The following CEP170 variants were observed in gnomAD, a reference collection of about 807,000 sequenced individuals.
The protein encoded by CEP170 is centrosomal protein 170, also known as centrosomal protein of 170 kDa.
CEP170 carries 21 observed loss-of-function variants against 151.9 expected under a neutral mutation model. That is an observed-to-expected ratio of 0.14 (90% confidence interval 0.10 to 0.20). The LOEUF is 0.20. Among genes scored for constraint, CEP170 ranks in the 10% least tolerant of loss-of-function variants. The pLI, the probability that CEP170 is intolerant of heterozygous loss-of-function variation, is 1.00. For synonymous variants in CEP170, 356 were observed against 648.8 expected (o/e 0.55, Z 6.86); for missense variants, 964 against 1,892.9 (o/e 0.51, Z 9.11).
At chr1:243,254,093 C>T (rs1305735443) in intron 1 of CEP170, among the ~76,000 whole-genome samples, 2 of 152,086 alleles carry the variant, frequency 1.3e-5, no homozygotes, top group Non-Finnish European at 2.9e-5. Flanking sequence ...CCCTCTCTAG[C>T]CCAGGCTCCA....
intron 13 of CEP170, among the ~76,000 whole-genome samples, chr1:243,159,770 T>G (rs1218286157): frequency 1.3e-5 from 2 of 149,232 alleles, no homozygotes; most frequent in East Asian, 4.0e-4. Context: ...GTTTTGTGTG[T>G]GTGTGTGTGT....
chr1:243,248,743 C>G (rs983668113), intron 1 of CEP170, among the ~76,000 whole-genome samples: 4 of 152,186 alleles, frequency 2.6e-5, no homozygotes, highest in African/African-American at 7.2e-5. Flanking sequence ...CAGAGCCATT[C>G]TTTAAAAATA....
chr1:243,152,802 A>C (rs1323945405), intron 14 of CEP170, among the ~76,000 whole-genome samples: 1 of 152,126 alleles, frequency 6.6e-6, no homozygotes, highest in African/African-American at 2.4e-5. Context: ...AAGTGCTGGG[A>C]TTACAGGCGT....
chr1:243,210,922 C>T lies in CEP170; in HGVS notation c.274+964G>A, dbSNP rs144195025. The stretch of plus-strand genomic sequence containing the variant: ...ACAGGTGTGAGCCACAGCACCTGGA[C>T]TATTTCTCGTAAATGTCAAGGAACA... On this transcript the variant is annotated intron_variant, in intron 4 of 19. Coordinates refer to ENST00000366542, the MANE Select transcript of CEP170 (RefSeq NM_014812.3). 6.8e-3 allele frequency among the ~76,000 whole-genome samples: 1,038 copies of T among 152,088 alleles called. 14 individuals carry two copies. Among genetic ancestry groups the T allele is most frequent in the African/African-American group, 0.024 (986 of 41,474 alleles).
upstream of CEP170, among the ~76,000 whole-genome samples, chr1:243,255,511 C>T (rs777389783): frequency 3.3e-5 from 5 of 152,244 alleles, no homozygotes; most frequent in Non-Finnish European, 5.9e-5. Flanking sequence ...GGGCAGAGCG[C>T]CAACTCCAAG....
intron 1 of CEP170, among the ~76,000 whole-genome samples, chr1:243,234,715 CT>C (rs1333080072): frequency 6.6e-6 from 1 of 152,158 alleles, no homozygotes; most frequent in Admixed American, 6.5e-5. Flanking sequence ...AGAAGTCTGT[CT>C]TTTGATGCCA....
intron 3 of CEP170, among the ~76,000 whole-genome samples, chr1:243,220,981 C>T (rs2062747458): frequency 2.0e-5 from 3 of 152,168 alleles, no homozygotes; most frequent in Admixed American, 2.0e-4. Context: ...TTTACCCTAG[C>T]AGAGAAAGTT....
chr1:243,224,342 C>T (rs1237421558), intron 2 of CEP170, among the ~76,000 whole-genome samples: 1 of 152,056 alleles, frequency 6.6e-6, no homozygotes, highest in Non-Finnish European at 1.5e-5. Context: ...AGACTCCAGT[C>T]CCTGTCCTTT....
intron 12 of CEP170, among the ~76,000 whole-genome samples, chr1:243,167,695 C>G (rs1403096437): frequency 6.6e-6 from 1 of 150,778 alleles, no homozygotes; most frequent in Non-Finnish European, 1.5e-5. Context: ...AATATCATAT[C>G]AATACAATGG....
In CEP170 at chr1:243,125,012, G is replaced by A. The variant is rs2053597127; in HGVS notation, c.*1437C>T. ...TTAAAAAATCCTGTAAAGTCTTGAA[G>A]TGTATAGAGTTACTTTGTTTCTTAA... On this transcript the variant is annotated 3_prime_UTR_variant, in exon 20 of 20. Transcript: ENST00000366542. 1 of 151,952 alleles carries A rather than the reference G, an allele frequency of 6.6e-6. No individual in the cohort carries two copies. Among genetic ancestry groups the A allele is most frequent in the Admixed American group, 6.5e-5 (1 of 15,274 alleles). 9.4% of individuals were successfully genotyped at this position (151,952 alleles called of 1,614,324 possible). A position where few individuals can be genotyped will look rare whatever the true frequency, so the allele number is the denominator to read the frequency against.
chr1:243,195,458 C>T lies in CEP170; in HGVS notation c.631+3602G>A, dbSNP rs182880443. ...AAGTAAGTATTTGCTTAAACCAGGG[C>T]TTTTTAAGCTATATGGCAAGTCTTC... On this transcript the variant is annotated intron_variant, in intron 7 of 19. Coordinates refer to ENST00000366542, the MANE Select transcript of CEP170 (RefSeq NM_014812.3). Among the ~76,000 whole-genome samples, 1,056 of 151,938 alleles carry T rather than the reference C, an allele frequency of 7.0e-3. 2 individuals are homozygous for T. Among genetic ancestry groups the T allele is most frequent in the Non-Finnish European group, 0.011 (769 of 67,880 alleles).
rs932345982 is a variant in CEP170 at position 243,221,604 on chromosome 1, T to G, written c.195+120A>C. 4 of 1,015,166 alleles carry G rather than the reference T, an allele frequency of 3.9e-6. No homozygotes were observed. The African/African-American group carries it at 6.6e-5, about 17-fold the overall frequency. 62.9% of individuals were successfully genotyped at this position (1,015,166 alleles called of 1,614,324 possible). ...CAAAGTGCTATGTACCTGATAAGCATTTGAAAATAACATACAAAGTAAAGA... is the reference window on the plus strand; with the variant it reads ...CAAAGTGCTATGTACCTGATAAGCAGTTGAAAATAACATACAAAGTAAAGA... On this transcript the variant is annotated intron_variant, in intron 3 of 19. Coordinates refer to ENST00000366542, the MANE Select transcript of CEP170 (RefSeq NM_014812.3).
intron 3 of CEP170, among the ~76,000 whole-genome samples, chr1:243,219,710 A>G (rs965453342): frequency 2.0e-5 from 3 of 152,252 alleles, no homozygotes; most frequent in Admixed American, 6.5e-5. Context: ...ACTTAAAGAC[A>G]ATATAACATT....
At chr1:243,129,574 C>T (rs2787259) in intron 17 of CEP170, 121 bp from the exon 18 acceptor site, 18 of 822,574 alleles carry the variant, frequency 2.2e-5, no homozygotes, top group African/African-American at 1.2e-4. Flanking sequence ...AACCAACCAC[C>T]GCATAAACTG....
intron 1 of CEP170, among the ~76,000 whole-genome samples, chr1:243,238,779 T>C (rs1434359870): frequency 1.3e-5 from 2 of 152,212 alleles, no homozygotes; most frequent in Admixed American, 6.5e-5. Flanking sequence ...GTCAAAGTAA[T>C]TTTTGGAATT....
chr1:243,203,128 G>C (rs749828616), intron 4 of CEP170, among the ~76,000 whole-genome samples: 51 of 152,258 alleles, frequency 3.3e-4, no homozygotes, highest in South Asian at 2.5e-3. Flanking sequence ...GTGAGATCTG[G>C]AGACTGCTCT....
chr1:243,251,124 T>C (rs1160701513), intron 1 of CEP170, among the ~76,000 whole-genome samples: 2 of 152,228 alleles, frequency 1.3e-5, no homozygotes, highest in Admixed American at 6.5e-5. Flanking sequence ...GAAGAAGTTA[T>C]ATAGTAAAAG....
chr1:243,184,431 G>C (rs2059814259), intron 10 of CEP170, among the ~76,000 whole-genome samples: 1 of 151,328 alleles, frequency 6.6e-6, no homozygotes, highest in Non-Finnish European at 1.5e-5. Context: ...CAGCCATTAT[G>C]ATCAGTCATT....
chr1:243,186,229 G>T, intron 9 of CEP170, 30 bp downstream of exon 9: 1 of 1,613,620 alleles, frequency 6.2e-7, no homozygotes, highest in Non-Finnish European at 8.5e-7. Flanking sequence ...CTTCATCAAA[G>T]AATGCAATCA....
Sources: allele counts gnomAD v4.1 joint callset (sites outside exome capture counted in the v4.1 genomes callset), GRCh38; gene constraint gnomAD v4.1.1; transcripts MANE v1.5; gene names NCBI Gene and HGNC (gene_info 2026-07-23, HGNC 2026-07-21).